PCYT1B: variants seen among roughly 807,000 people sequenced by gnomAD.
PCYT1B encodes phosphate cytidylyltransferase 1B, choline, also known as choline-phosphate cytidylyltransferase B.
A neutral mutation model predicts 26.4 loss-of-function variants in PCYT1B; 10 were observed. That is an observed-to-expected ratio of 0.38 (90% CI 0.23 to 0.64). PCYT1B has a LOEUF of 0.64. Among genes scored for constraint, PCYT1B ranks in the 30% least tolerant of loss-of-function variants. PCYT1B has a pLI of 0.56. For synonymous variants in PCYT1B, 131 were observed against 108.4 expected, an observed-to-expected ratio of 1.21 and a Z score of -1.29; for missense variants, 161 against 292.7, an observed-to-expected ratio of 0.55 and a Z score of 3.28.
chrX:24,593,441 CTTTCTTTTCTTTTCTTTTCT>C (rs200527762), intron 3 of PCYT1B, among the ~76,000 whole-genome samples: 2,190 of 56,667 alleles, frequency 0.039, 56 homozygotes, highest in Middle Eastern at 0.076. Flanking sequence ...TCCTTTCTTT[CTTTCTTTTCTTTTCTTTTCT>C]TTTCTTTTCT....
intron 3 of PCYT1B, among the ~76,000 whole-genome samples, chrX:24,606,070 A>G (rs914918012): frequency 8.3e-5 from 9 of 109,054 alleles, no homozygotes; most frequent in Admixed American, 4.9e-4. Context: ...AAAAAAAAAA[A>G]AAAGAAAGTT....
chrX:24,560,405 A>G lies in PCYT1B; in HGVS notation c.*1888T>C, dbSNP rs760361762. 9.0e-6 allele frequency: 1 copy of G among 111,645 alleles called. No homozygotes were observed. The highest frequency in any genetic ancestry group is 1.9e-5 in the Non-Finnish European group (1 of 53,129). The allele number at this position is 111,645 out of a possible 1,213,427, so 9.2% of individuals were successfully genotyped here. On this transcript the variant is annotated 3_prime_UTR_variant, in exon 8 of 8. Coordinates refer to ENST00000379144, the MANE Select transcript of PCYT1B (RefSeq NM_004845.5). ...AGTGCATGATGGAAGACAGAGACCA[A>G]ATGGAAGAATGAGGCCCTTGTCCCT... is the stretch of plus-strand genomic sequence containing the variant.
rs770922349 is a variant in PCYT1B at position 24,574,609 on chromosome X, TTC to T, written c.897+519_897+520del. Among the ~76,000 whole-genome samples the T allele has an allele frequency of 1.8e-4, 20 of 111,689 alleles. 1 individual carries two copies. Among genetic ancestry groups the T allele is most frequent in the African/African-American group, 6.5e-4 (20 of 30,721 alleles). On this transcript the variant is annotated intron_variant, in intron 7 of 7. Transcript: ENST00000379144. ...CAGATGCAGGGCAAACTCCTACTTC[TTC>T]TCTCTCTGTCTTGCAACCAGTAAAA...
intron 1 of PCYT1B, among the ~76,000 whole-genome samples, chrX:24,660,845 T>C (rs994391555): frequency 8.1e-5 from 9 of 111,368 alleles, no homozygotes; most frequent in Non-Finnish European, 1.5e-4. Flanking sequence ...ATCCTTTATT[T>C]CTACAAAATG....
chrX:24,634,674 A>G (rs1197359377), intron 1 of PCYT1B, among the ~76,000 whole-genome samples: 1 of 111,721 alleles, frequency 9.0e-6, no homozygotes, highest in Non-Finnish European at 1.9e-5. Flanking sequence ...TGTACCTGGG[A>G]GGCAGAGGTT....
At chrX:24,563,808 A>G (rs754121176) in intron 7 of PCYT1B, among the ~76,000 whole-genome samples, 1 of 111,423 alleles carries the variant, frequency 9.0e-6, no homozygotes, top group South Asian at 3.8e-4. Context: ...TTTTCAAAAG[A>G]CCATTCTGAC....
intron 1 of PCYT1B, among the ~76,000 whole-genome samples, chrX:24,620,817 A>G (rs1271796906): frequency 1.8e-5 from 2 of 112,250 alleles, no homozygotes; most frequent in Admixed American, 1.9e-4. Context: ...CTCTGCACCA[A>G]CTTGGCTGCT....
chrX:24,669,410 G>C (rs1218254053), intron 1 of PCYT1B, among the ~76,000 whole-genome samples: 1 of 105,471 alleles, frequency 9.5e-6, no homozygotes, highest in Non-Finnish European at 1.9e-5. Context: ...CCAGCTACTC[G>C]GGAGGCTGAG....
chrX:24,636,894 T>G (rs1404599058), intron 1 of PCYT1B, among the ~76,000 whole-genome samples: 1 of 112,207 alleles, frequency 8.9e-6, no homozygotes, highest in East Asian at 2.8e-4. Flanking sequence ...TTCTTCAATC[T>G]CACTGCTACC....
At chrX:24,596,864 C>T (rs1336622674) in intron 3 of PCYT1B, among the ~76,000 whole-genome samples, 2 of 111,225 alleles carry the variant, frequency 1.8e-5, no homozygotes, top group Non-Finnish European at 3.8e-5. Flanking sequence ...GGAAAGGGGA[C>T]CCTAGTTAAT....
intron 5 of PCYT1B, among the ~76,000 whole-genome samples, chrX:24,584,817 G>A (rs1374639770): frequency 8.9e-6 from 1 of 111,857 alleles, no homozygotes; most frequent in African/African-American, 3.2e-5. Flanking sequence ...AGTACAGGAG[G>A]CCGTGTTCAG....
intron 3 of PCYT1B, among the ~76,000 whole-genome samples, chrX:24,603,084 G>A (rs1005839465): frequency 3.6e-5 from 4 of 112,464 alleles, no homozygotes; most frequent in East Asian, 2.8e-4. Context: ...GATTACAGGC[G>A]TGAGCCACTG....
At chrX:24,577,437 G>C (rs1158565248) in intron 6 of PCYT1B, among the ~76,000 whole-genome samples, 1 of 112,145 alleles carries the variant, frequency 8.9e-6, no homozygotes, top group Non-Finnish European at 1.9e-5. Context: ...AGAACAGACA[G>C]TTTAATTTAT....
chrX:24,651,468 AAAAAAT>A (rs1926767924), upstream of PCYT1B, among the ~76,000 whole-genome samples: 1 of 33,934 alleles, frequency 2.9e-5, no homozygotes, highest in African/African-American at 1.2e-4. Flanking sequence ...AAAAAAAAAA[AAAAAAT>A]ATATATATAT....
intron 1 of PCYT1B, among the ~76,000 whole-genome samples, chrX:24,656,229 C>CCG (rs1555966018): frequency 2.3e-5 from 1 of 43,966 alleles, no homozygotes; most frequent in Non-Finnish European, 3.9e-5. Flanking sequence ...CAGGGGGTCG[C>CCG]GGGGGGGGGT....
intron 3 of PCYT1B, among the ~76,000 whole-genome samples, chrX:24,593,450 CTTT>C (rs1410804348): frequency 1.5e-4 from 1 of 6,693 alleles, no homozygotes; most frequent in Admixed American, 2.6e-3. Context: ...TCTTTCTTTT[CTTT>C]TCTTTTCTTT....
At chrX:24,649,898 C>T (rs1399520461), upstream of PCYT1B, among the ~76,000 whole-genome samples, 2 of 112,656 alleles carry the variant, frequency 1.8e-5, no homozygotes, top group Non-Finnish European at 3.7e-5. Context: ...AGACTTCTGT[C>T]TAACTGCCCT....
chrX:24,607,049 T>C (rs1201215584), intron 3 of PCYT1B, among the ~76,000 whole-genome samples: 1 of 112,367 alleles, frequency 8.9e-6, no homozygotes, highest in Non-Finnish European at 1.9e-5. Flanking sequence ...TTCCTGAAGC[T>C]GCACAAGTGA....
rs1311935723 is a variant in PCYT1B, at chrX:24,560,042, C to G, written c.*2251G>C. The G allele has an allele frequency of 8.9e-6, 1 of 111,806 alleles. No individual in the cohort carries two copies. The highest frequency in any genetic ancestry group is 3.3e-5 in the African/African-American group (1 of 30,762). The allele number at this position is 111,806 out of a possible 1,213,427, so 9.2% of individuals were successfully genotyped here. A position where few individuals can be genotyped will look rare whatever the true frequency, so the allele number is the denominator to read the frequency against. Reference sequence around the variant, plus strand: ...TATCTGATGAGTCACGTAAGTGGCACCTGTCAGTATGGCGTGTAAGGCCTG... The same window carrying G: ...TATCTGATGAGTCACGTAAGTGGCAGCTGTCAGTATGGCGTGTAAGGCCTG... On this transcript the variant is annotated 3_prime_UTR_variant, in exon 8 of 8. Transcript: ENST00000379144.
Sources: gnomAD v4.1 joint callset for allele counts (sites outside exome capture counted in the v4.1 genomes callset) on GRCh38, gnomAD v4.1.1 for gene constraint, MANE v1.5 for transcripts, NCBI Gene and HGNC (gene_info 2026-07-23, HGNC 2026-07-21) for gene names.